Variants in LHX8 observed in about 807,000 individuals in gnomAD.
The protein encoded by LHX8 is LIM homeobox 8.
LHX8 carries 12 observed loss-of-function variants against 40.3 expected under a neutral mutation model. That is an observed-to-expected ratio of 0.30 (90% CI 0.19 to 0.48). LHX8 has a LOEUF of 0.48. Ranked by LOEUF, LHX8 falls within the 20% of genes least tolerant of loss-of-function variation. The pLI, the probability that LHX8 is intolerant of heterozygous loss-of-function variation, is 0.99. For missense variants in LHX8, 344 were observed against 433.7 expected, an observed-to-expected ratio of 0.79 and a Z score of 1.84; for synonymous variants, 179 against 162.0, an observed-to-expected ratio of 1.10 and a Z score of -0.80.
chr1:75,151,091 A>G (rs535341650), intron 7 of LHX8, among the ~76,000 whole-genome samples: 12 of 152,262 alleles, frequency 7.9e-5, no homozygotes, highest in African/African-American at 2.4e-4. Context: ...CATTGCACAT[A>G]TTTTATTTTG....
intron 8 of LHX8, 48 bp from the exon 9 acceptor site, chr1:75,160,771 T>G: frequency 7.9e-7 from 1 of 1,262,394 alleles, no homozygotes; most frequent in Non-Finnish European, 1.2e-6. Context: ...ATAAATCAGT[T>G]TTATGCACCC....
chr1:75,131,175 C>A (rs1273876325), upstream of LHX8: 2 of 245,078 alleles, frequency 8.2e-6, no homozygotes, highest in African/African-American at 2.2e-5. Context: ...TGCCTCGCCC[C>A]GATCTCCACA....
rs754307452 is a variant in LHX8, at chr1:75,157,057, G to A, written c.945G>A (p.Ala315=). ...CCCAAGATGGAACGATGTTAACTGC[G>A]CTGCATAGTTATATGGATGGTAGGT... is the stretch of plus-strand genomic sequence containing the variant. ...YVPQDGTMLT[A]LHSYMDAHSP... The change falls in exon 8 of 9, where the codon GCG becomes GCA. Residue 315 remains alanine (A), a synonymous_variant. Transcript: ENST00000356261. The A allele has an allele frequency of 6.2e-6, 10 of 1,614,004 alleles. No individual in the cohort carries two copies. Among genetic ancestry groups the A allele is most frequent in the South Asian group, 5.5e-5 (5 of 91,082 alleles).
chr1:75,145,648 GA>G (rs1476001408), intron 6 of LHX8, among the ~76,000 whole-genome samples: 2 of 152,110 alleles, frequency 1.3e-5, no homozygotes, highest in Non-Finnish European at 2.9e-5. Flanking sequence ...AAGAGATTTG[GA>G]ACCTTCTCCT....
At chr1:75,183,103 C>G in the LHX8 span, 1 of 152,056 alleles carries the variant, frequency 6.6e-6, no homozygotes, top group African/African-American at 2.4e-5. Context: ...TAGCGTGGTC[C>G]CTACACAAGG....
upstream of LHX8, chr1:75,129,852 G>A (rs1284200764): frequency 1.3e-5 from 2 of 152,180 alleles, no homozygotes; most frequent in African/African-American, 2.4e-5. Flanking sequence ...TGCCCGGTTT[G>A]CCTAGGACTT....
chr1:75,186,452 A>G, the LHX8 span, among the ~76,000 whole-genome samples: 2 of 152,212 alleles, frequency 1.3e-5, no homozygotes, highest in African/African-American at 4.8e-5. Flanking sequence ...AGGACTCCCT[A>G]TTCAGTAAAT....
the LHX8 span, among the ~76,000 whole-genome samples, chr1:75,184,134 C>G: frequency 4.5e-4 from 69 of 152,262 alleles, 1 homozygote; most frequent in African/African-American, 1.7e-3. Flanking sequence ...AAACCAAGTT[C>G]TTAGAGACTC....
the LHX8 span, among the ~76,000 whole-genome samples, chr1:75,190,261 C>T: frequency 6.6e-6 from 1 of 152,146 alleles, no homozygotes; most frequent in African/African-American, 2.4e-5. Context: ...TTCTTTATAA[C>T]CTAAAAGTCA....
At chr1:75,131,801 G>A (rs1452207073), upstream of LHX8, 1 of 152,238 alleles carries the variant, frequency 6.6e-6, no homozygotes, top group Non-Finnish European at 1.5e-5. Context: ...GACGCACTCC[G>A]AAGTCTCTCA....
chr1:75,159,964 T>C (rs1648874449), intron 8 of LHX8: 2 of 152,360 alleles, frequency 1.3e-5, no homozygotes, highest in African/African-American at 2.4e-5. Flanking sequence ...TTTTCTGTTG[T>C]TGTTTTTAAC....
the LHX8 span, among the ~76,000 whole-genome samples, chr1:75,169,240 G>A: frequency 2.0e-5 from 3 of 152,148 alleles, no homozygotes; most frequent in Admixed American, 2.0e-4. Context: ...AAGTGGGCAG[G>A]ATAAAGTAGT....
the LHX8 span, among the ~76,000 whole-genome samples, chr1:75,181,995 TA>T: frequency 1.3e-5 from 2 of 152,246 alleles, no homozygotes; most frequent in Admixed American, 6.5e-5. Flanking sequence ...AGAAGCTTTT[TA>T]GTTTAATTAG....
In LHX8 at chr1:75,160,866, A is replaced by G. The variant is rs368782371; in HGVS notation, c.1012A>G (p.Met338Val). 4 of 1,612,924 alleles carry G rather than the reference A, an allele frequency of 2.5e-6. No individual in the cohort carries two copies. Among genetic ancestry groups the G allele is most frequent in the African/African-American group, 1.3e-5 (1 of 74,888 alleles). Residue 338 changes from methionine (M) to valine (V), a missense_variant, in exon 9 of 9, where the codon ATG (methionine) becomes GTG (valine). Transcript: ENST00000356261. The part of the protein sequence containing the change: ...LGLQPLLPHS[M>V]TQLPISHT ...ACTCCAGCCCTTGTTACCCCATTCA[A>G]TGACACAACTGCCAATAAGTCATAC...
Position 75,148,605 on chromosome 1 carries a change from G to C in LHX8, c.703G>C (p.Ala235Pro). 6.2e-7 allele frequency: 1 copy of C among 1,613,622 alleles called. No individual in the cohort carries two copies. Reference sequence around the variant, plus strand: ...ACAACAGGTTATGCAAGCACAATTTGCTCAGGACAACAACCCAGATGCACA... The same window carrying C: ...ACAACAGGTTATGCAAGCACAATTTCCTCAGGACAACAACCCAGATGCACA... ...DQLQVMQAQFAQDNNPDAQTL... is the reference protein window; with the variant it reads ...DQLQVMQAQFPQDNNPDAQTL... The change falls in exon 7 of 9, where the codon GCT becomes CCT. Residue 235 changes from alanine (A) to proline (P), a missense_variant. By Grantham distance (27) the Ala-to-Pro change is conservative. This residue lies in a region of LHX8 where 147 missense variants were observed against 250.8 expected (regional missense o/e 0.59). Coordinates refer to ENST00000356261, the MANE Select transcript of LHX8 (RefSeq NM_001256114.2).
the LHX8 span, among the ~76,000 whole-genome samples, chr1:75,194,480 G>A: frequency 6.6e-6 from 1 of 152,202 alleles, no homozygotes; most frequent in Non-Finnish European, 1.5e-5. Context: ...CAAACACCGT[G>A]AGGATTTATC....
In LHX8 at chr1:75,136,830, G is replaced by A. The variant is rs1199074719; in HGVS notation, c.75+141G>A. 4 of 723,602 alleles carry A rather than the reference G, an allele frequency of 5.5e-6. No individual in the cohort carries two copies. The East Asian group carries it at 8.1e-5, about 15-fold the overall frequency. 44.8% of individuals were successfully genotyped at this position (723,602 alleles called of 1,614,324 possible). On this transcript the variant is annotated intron_variant, in intron 2 of 8. Transcript: ENST00000356261. Reference sequence around the variant, plus strand: ...CAGAGGACGGGGCGGAGAGGGTCTGGGTGGGGTGGGAAGCTTAGCTGGCCC... The same window carrying A: ...CAGAGGACGGGGCGGAGAGGGTCTGAGTGGGGTGGGAAGCTTAGCTGGCCC...
chr1:75,168,756 G>A, the LHX8 span, among the ~76,000 whole-genome samples: 5 of 152,134 alleles, frequency 3.3e-5, no homozygotes, highest in Admixed American at 2.0e-4. Flanking sequence ...AGTAGTTAGA[G>A]CCTGGTTCCA....
At chr1:75,156,393 C>T (rs1481400688) in intron 7 of LHX8, among the ~76,000 whole-genome samples, 2 of 152,060 alleles carry the variant, frequency 1.3e-5, no homozygotes, top group Non-Finnish European at 2.9e-5. Context: ...AGGTACCAAC[C>T]ACCACGGCCA....
Sources: allele counts gnomAD v4.1 joint callset (sites outside exome capture counted in the v4.1 genomes callset), GRCh38; gene constraint gnomAD v4.1.1; regional missense constraint gnomAD v4.1.1; transcripts MANE v1.5; gene names NCBI Gene and HGNC (gene_info 2026-07-23, HGNC 2026-07-21).